BIN1: variants seen among roughly 807,000 people sequenced by gnomAD.
BIN1 encodes the protein myc box-dependent-interacting protein 1.
In BIN1, 53 loss-of-function variants were observed where a neutral mutation model predicts 82.0. The ratio of observed to expected loss-of-function variants is 0.65; its 90% CI spans 0.52 to 0.81. The LOEUF is 0.81. Among genes scored for constraint, BIN1 ranks in the 40% least tolerant of loss-of-function variants. The pLI is 0.00. For missense variants in BIN1, 642 were observed against 784.4 expected (o/e 0.82, Z 2.17); for synonymous variants, 302 against 328.0 (o/e 0.92, Z 0.86).
chr2:127,064,114 A>G, intron 7 of BIN1, 96 bp from the exon 8 acceptor site: 2 of 1,432,702 alleles, frequency 1.4e-6, no homozygotes, highest in Non-Finnish European at 9.7e-7. Flanking sequence ...CCTCTTGGCC[A>G]GTGCGCTGGG....
chr2:127,075,171 T>C (rs1485303848), intron 2 of BIN1, among the ~76,000 whole-genome samples: 1 of 152,224 alleles, frequency 6.6e-6, no homozygotes, highest in African/African-American at 2.4e-5. Context: ...CTACATAGCC[T>C]TGGAAGATGT....
At chr2:127,074,979 G>C (rs1686404027) in intron 2 of BIN1, among the ~76,000 whole-genome samples, 1 of 152,144 alleles carries the variant, frequency 6.6e-6, no homozygotes, top group South Asian at 2.1e-4. Context: ...GGGATTACAG[G>C]CGTGAGCTAC....
chr2:127,101,006 T>TGGGGGGGGGGGGGGGG (rs368156938), intron 1 of BIN1, among the ~76,000 whole-genome samples: 1 of 109,212 alleles, frequency 9.2e-6, no homozygotes, highest in African/African-American at 4.3e-5. Flanking sequence ...GTGCGGGGGG[T>TGGGGGGGGGGGGGGGG]GGGGATAGAC....
chr2:127,056,797 C>A (rs1285122436), intron 12 of BIN1, among the ~76,000 whole-genome samples: 1 of 152,238 alleles, frequency 6.6e-6, no homozygotes, highest in Non-Finnish European at 1.5e-5. Flanking sequence ...CACAGGTACT[C>A]CAGCCCGACC....
intron 16 of BIN1, 28 bp from the exon 17 acceptor site, chr2:127,050,940 G>A (rs376629216): frequency 1.2e-6 from 2 of 1,607,304 alleles, no homozygotes; most frequent in African/African-American, 2.7e-5. Flanking sequence ...GGTCAGCTGA[G>A]CAGGGAGGTG....
chr2:127,107,082 T>A lies in BIN1; in HGVS notation c.-139A>T. On this transcript the variant is annotated 5_prime_UTR_variant, in exon 1 of 19. Coordinates refer to ENST00000316724, the MANE Select transcript of BIN1 (RefSeq NM_139343.3). The surrounding 1 kb of genome is among the most constrained non-coding windows in gnomAD (Gnocchi z 5.9). ...CCGCGCACCCGACAGCGGAGCCAACTGACGGAGGCGGAGCGTGCGCCGGAC... is the reference window on the plus strand; with the variant it reads ...CCGCGCACCCGACAGCGGAGCCAACAGACGGAGGCGGAGCGTGCGCCGGAC... 2 of 899,732 alleles carry A rather than the reference T, an allele frequency of 2.2e-6. No individual in the cohort carries two copies. Among genetic ancestry groups the A allele is most frequent in the Non-Finnish European group, 3.0e-6 (2 of 666,374 alleles). The allele number at this position is 899,732 out of a possible 1,614,324, so 55.7% of individuals were successfully genotyped here. A position where few individuals can be genotyped will look rare whatever the true frequency, so the allele number is the denominator to read the frequency against.
chr2:127,054,156 C>T (rs770340237), intron 12 of BIN1, 144 bp from the exon 13 acceptor site: 105 of 707,810 alleles, frequency 1.5e-4, no homozygotes, highest in Non-Finnish European at 1.9e-4. Context: ...CGCACATACA[C>T]GCACACACGC....
chr2:127,094,846 G>A (rs1679384952), intron 1 of BIN1, among the ~76,000 whole-genome samples: 1 of 152,190 alleles, frequency 6.6e-6, no homozygotes, highest in Non-Finnish European at 1.5e-5. Context: ...AACAGACCCT[G>A]CCCACCAGCC....
intron 1 of BIN1, among the ~76,000 whole-genome samples, chr2:127,085,467 C>A (rs1678009248): frequency 6.6e-6 from 1 of 152,186 alleles, no homozygotes. Flanking sequence ...TGAGATGACG[C>A]CCACACACGC....
chr2:127,079,052 G>C (rs1169566308), intron 1 of BIN1, among the ~76,000 whole-genome samples: 1 of 152,188 alleles, frequency 6.6e-6, no homozygotes, highest in Non-Finnish European at 1.5e-5. Context: ...GACACACTCA[G>C]CCAGCAAAAG....
intron 1 of BIN1, among the ~76,000 whole-genome samples, chr2:127,078,669 C>G (rs1321073066): frequency 1.3e-5 from 2 of 152,154 alleles, no homozygotes; most frequent in African/African-American, 4.8e-5. Context: ...AAAACCAAAA[C>G]AAAACCCCCA....
chr2:127,053,608 G>A (rs994771118), intron 13 of BIN1, 163 bp from the exon 14 acceptor site: 7 of 952,036 alleles, frequency 7.4e-6, no homozygotes, highest in Admixed American at 2.0e-5. Context: ...GCAGGTGGCC[G>A]AGCTCCCGAC....
rs767828834 is a variant in BIN1, at chr2:127,050,911, C to A, written c.1463G>T (p.Ser488Ile). 36 of 1,613,844 alleles carry A rather than the reference C, an allele frequency of 2.2e-5. No homozygotes were observed. Among genetic ancestry groups the A allele is most frequent in the Non-Finnish European group, 3.1e-5 (36 of 1,179,890 alleles). The change falls in exon 17 of 19, where the codon AGC becomes ATC. Residue 488 changes from serine to isoleucine, a missense_variant and splice_region_variant. Coordinates refer to ENST00000316724, the MANE Select transcript of BIN1 (RefSeq NM_139343.3). ...CTCCACCACGACAGCAGGAAGAGAGCTCTGGTGGCAGAGGTACGGGTCAGC... is the reference window on the plus strand; with the variant it reads ...CTCCACCACGACAGCAGGAAGAGAGATCTGGTGGCAGAGGTACGGGTCAGC... ...GETAASEAAS[S>I]SLPAVVVETF... is the part of the protein sequence containing the mutation.
chr2:127,066,602 C>T (rs767569166), intron 7 of BIN1, among the ~76,000 whole-genome samples: 2 of 152,230 alleles, frequency 1.3e-5, no homozygotes, highest in Non-Finnish European at 2.9e-5. Context: ...GCCCCTGGTT[C>T]CTCCTCTACC....
At chr2:127,102,396 G>T (rs74609165) in intron 1 of BIN1, among the ~76,000 whole-genome samples, 6,173 of 152,266 alleles carry the variant, frequency 0.041, 300 homozygotes, top group East Asian at 0.19. Context: ...GAATCCTTGC[G>T]ATCCATAGAT....
chr2:127,072,928 C>T (rs1410124527), intron 2 of BIN1, among the ~76,000 whole-genome samples: 1 of 152,198 alleles, frequency 6.6e-6, no homozygotes, highest in Non-Finnish European at 1.5e-5. Context: ...TGATGGGATG[C>T]TATCGTGTCC....
chr2:127,068,466 G>A lies in BIN1; in HGVS notation c.520-211C>T, dbSNP rs369494436. 1.3e-5 allele frequency among the ~76,000 whole-genome samples: 2 copies of A among 152,172 alleles called. No homozygotes were observed. The highest frequency in any genetic ancestry group is 1.9e-4 in the East Asian group (1 of 5,170). ...CCAACTGCAGAGGCAAAAGGTGAGC[G>A]TGGTTAGCAGCACAGGGGGCCCAGC... On this transcript the variant is annotated intron_variant, in intron 6 of 18. Coordinates refer to ENST00000316724, the MANE Select transcript of BIN1 (RefSeq NM_139343.3). The surrounding 1 kb of genome is among the most constrained non-coding windows in gnomAD (Gnocchi z 4.9).
intron 18 of BIN1, among the ~76,000 whole-genome samples, chr2:127,050,141 AG>A (rs964218503): frequency 1.3e-5 from 2 of 152,160 alleles, no homozygotes; most frequent in African/African-American, 2.4e-5. Flanking sequence ...GCCTGAGCAA[AG>A]GGGGGACGTG....
In BIN1 at chr2:127,107,058, C is replaced by G; in HGVS notation, c.-115G>C. 1 of 1,102,410 alleles carries G rather than the reference C, an allele frequency of 9.1e-7. No homozygotes were observed. The highest frequency in any genetic ancestry group is 1.2e-6 in the Non-Finnish European group (1 of 840,904). The allele number at this position is 1,102,410 out of a possible 1,614,324, so 68.3% of individuals were successfully genotyped here. On this transcript the variant is annotated 5_prime_UTR_variant, in exon 1 of 19. Coordinates refer to ENST00000316724, the MANE Select transcript of BIN1 (RefSeq NM_139343.3). This position sits in a 1 kb window ranked among gnomAD's most constrained non-coding sequence, Gnocchi z 5.9. ...GTCCAGACCGGCTGCCGCTCCACGCCGCGCACCCGACAGCGGAGCCAACTG... is the reference window on the plus strand; with the variant it reads ...GTCCAGACCGGCTGCCGCTCCACGCGGCGCACCCGACAGCGGAGCCAACTG...
Sources: allele counts gnomAD v4.1 joint callset (sites outside exome capture counted in the v4.1 genomes callset), GRCh38; gene constraint gnomAD v4.1.1; non-coding constraint Gnocchi (gnomAD v3.1); transcripts MANE v1.5; gene names NCBI Gene and HGNC (gene_info 2026-07-23, HGNC 2026-07-21).